Variants in COL18A1 observed in about 807,000 individuals in gnomAD.
COL18A1 encodes the protein collagen alpha-1(XVIII) chain.
In COL18A1, 133 loss-of-function variants were observed where a neutral mutation model predicts 168.0. The ratio of observed to expected loss-of-function variants is 0.79; its 90% CI spans 0.69 to 0.91. The LOEUF (loss-of-function observed/expected upper bound fraction) is 0.91. Ranked by LOEUF, COL18A1 falls within the 40% of genes least tolerant of loss-of-function variation. COL18A1 has a pLI of 0.00. For synonymous variants in COL18A1, 949 were observed against 809.0 expected (o/e 1.17, Z -2.94); for missense variants, 2,126 against 1,925.4 (o/e 1.10, Z -1.95).
At chr21:45,469,978 A>G (rs2035353418) in intron 3 of COL18A1, among the ~76,000 whole-genome samples, 2 of 152,110 alleles carry the variant, frequency 1.3e-5, no homozygotes, top group African/African-American at 4.8e-5. Context: ...GTGAGAGGCA[A>G]TTTGTTGTGT....
chr21:45,493,735 G>GCACC, intron 26 of COL18A1, 160 bp downstream of exon 26: 1 of 630,114 alleles, frequency 1.6e-6, no homozygotes. Context: ...CTCCTTTCTC[G>GCACC]CACCCATGTC....
At chr21:45,414,256 G>GT (rs2123515061) in intron 2 of COL18A1, among the ~76,000 whole-genome samples, 1 of 152,308 alleles carries the variant, frequency 6.6e-6, no homozygotes, top group South Asian at 2.1e-4. Context: ...CCTCTCATCT[G>GT]TTTTGGGTCC....
chr21:45,467,625 G>T lies in COL18A1; in HGVS notation c.107-617G>T, dbSNP rs542264433. Among the ~76,000 whole-genome samples, 3 of 152,218 alleles carry T rather than the reference G, an allele frequency of 2.0e-5. No homozygotes were observed. In the South Asian group the frequency reaches 6.2e-4, roughly 31 times the overall value. ...CCCAGCTGAGGCAGCCACTCTGGGC[G>T]ACGCCCCGTAGCCGAGGCTTCGAAG... On this transcript the variant is annotated intron_variant, in intron 2 of 41. Transcript: ENST00000651438.
At chr21:45,441,390 A>C (rs972155055) in intron 2 of COL18A1, among the ~76,000 whole-genome samples, 3 of 152,170 alleles carry the variant, frequency 2.0e-5, no homozygotes, top group African/African-American at 7.2e-5. Context: ...GCCCAGGTAG[A>C]GTTTTCCTGT....
At chr21:45,482,053 G>T in intron 14 of COL18A1, 28 bp downstream of exon 14, 1 of 1,591,068 alleles carries the variant, frequency 6.3e-7, no homozygotes, top group South Asian at 1.1e-5. Flanking sequence ...TCCAGGGTGA[G>T]TGGGAACCAG....
At position 45,405,466 on chromosome 21, in the gene COL18A1, G is replaced by C; in HGVS notation, c.99G>C (p.Ala33=). The change falls in exon 2 of 42, where the codon GCG becomes GCC. Residue 33 remains alanine, a synonymous_variant. Transcript: ENST00000651438. ...TGCTCGGGGTCCGCGCGGCCTCCGC[G>C]GAGCCAGGTAAGACCCGGGCGGGAC... ...VLLLGVRAAS[A]EPERISEEVG... 1 of 1,375,780 alleles carries C rather than the reference G, an allele frequency of 7.3e-7. No individual in the cohort carries two copies. The highest frequency in any genetic ancestry group is 1.5e-5 in the South Asian group (1 of 67,070). The allele number at this position is 1,375,780 out of a possible 1,614,324, so 85.2% of individuals were successfully genotyped here. A position where few individuals can be genotyped will look rare whatever the true frequency, so the allele number is the denominator to read the frequency against.
At chr21:45,504,217 C>T (rs1458778889) in intron 33 of COL18A1, 163 bp downstream of exon 33, 2 of 934,408 alleles carry the variant, frequency 2.1e-6, no homozygotes, top group Non-Finnish European at 3.4e-6. Context: ...CAGGATGTTC[C>T]TGTCCCCGGC....
chr21:45,490,790 C>T (rs2145982904), intron 20 of COL18A1, 46 bp from the exon 21 acceptor site: 3 of 1,541,268 alleles, frequency 1.9e-6, no homozygotes, highest in Middle Eastern at 3.3e-4. Context: ...GGGCCAGGGG[C>T]TCCTGTTTCT....
At chr21:45,418,078 G>A (rs1274780849) in intron 2 of COL18A1, among the ~76,000 whole-genome samples, 3 of 152,242 alleles carry the variant, frequency 2.0e-5, no homozygotes, top group African/African-American at 7.2e-5. Context: ...TGTGAGTGGG[G>A]GCGCCTGGCG....
At chr21:45,485,180 T>TTTTTTTTTTTTTTTTTTTTTG (rs2036067199) in intron 15 of COL18A1, among the ~76,000 whole-genome samples, 1 of 134,108 alleles carries the variant, frequency 7.5e-6, no homozygotes, top group African/African-American at 3.1e-5. Context: ...TTTTTTTTTT[T>TTTTTTTTTTTTTTTTTTTTTG]AGTAGAGGCA....
At chr21:45,470,517 C>T (rs1184856584) in intron 3 of COL18A1, among the ~76,000 whole-genome samples, 1 of 121,386 alleles carries the variant, frequency 8.2e-6, no homozygotes, top group East Asian at 2.7e-4. Context: ...GATGGAATCT[C>T]GCTCTGTTGC....
At chr21:45,480,383 T>TGCA in intron 11 of COL18A1, 84 bp from the exon 12 acceptor site, 1 of 1,611,592 alleles carries the variant, frequency 6.2e-7, no homozygotes, top group Non-Finnish European at 8.5e-7. Flanking sequence ...CAGCTCGATA[T>TGCA]GCAGCTTGCG....
chr21:45,439,623 T>C (rs1382551400), intron 2 of COL18A1, among the ~76,000 whole-genome samples: 1 of 152,246 alleles, frequency 6.6e-6, no homozygotes, highest in East Asian at 1.9e-4. Context: ...CCAGACGTCC[T>C]GGGCCAAGTC....
chr21:45,492,390 G>A, intron 22 of COL18A1, 145 bp from the exon 23 acceptor site: 2 of 967,536 alleles, frequency 2.1e-6, no homozygotes, highest in Non-Finnish European at 3.4e-6. Context: ...CTGCAGGAGG[G>A]ATGCCCCAGG....
rs771752014 is a variant in COL18A1, at chr21:45,507,585, C to T, written c.3241C>T (p.Arg1081Ter). 4.3e-6 allele frequency: 7 copies of T among 1,612,930 alleles called. No individual in the cohort carries two copies. Among genetic ancestry groups the T allele is most frequent in the East Asian group, 2.2e-5 (1 of 44,888 alleles). The change falls in exon 38 of 42, where the codon CGA becomes TGA. Residue 1081 changes from arginine to a stop codon, truncating the protein, a stop_gained. Coordinates refer to ENST00000651438, the MANE Select transcript of COL18A1 (RefSeq NM_001379500.1). LOFTEE classifies it high-confidence loss of function. ...VQLEARTPLP[R>*]GTDNEVAALQ... ...GCTGGAGGCCCGGACACCACTCCCA[C>T]GAGGGACGGTAAGGAGCCTTTTTTC...
At position 45,425,328 on chromosome 21, in the gene COL18A1, C is replaced by T. The variant is rs1203374462; in HGVS notation, c.106+19855C>T. 2.6e-5 allele frequency among the ~76,000 whole-genome samples: 4 copies of T among 152,318 alleles called. No homozygotes were observed. The highest frequency in any genetic ancestry group is 9.6e-5 in the African/African-American group (4 of 41,572). On this transcript the variant is annotated intron_variant, in intron 2 of 41. Coordinates refer to ENST00000651438, the MANE Select transcript of COL18A1 (RefSeq NM_001379500.1). The surrounding 1 kb of genome is among the most constrained non-coding windows in gnomAD (Gnocchi z 4.1). ...CAGTGTGACCGCGTCCACCTGTCTCCCTGGACACGCCTGTCAGAGCCCCAG... is the reference window on the plus strand; with the variant it reads ...CAGTGTGACCGCGTCCACCTGTCTCTCTGGACACGCCTGTCAGAGCCCCAG...
intron 2 of COL18A1, among the ~76,000 whole-genome samples, chr21:45,437,700 A>T (rs199632300): frequency 5.2e-4 from 32 of 61,920 alleles, no homozygotes; most frequent in East Asian, 1.1e-3. Flanking sequence ...ACACACACAC[A>T]CACACTCAGA....
intron 5 of COL18A1, 42 bp from the exon 6 acceptor site, chr21:45,476,309 C>A: frequency 9.3e-6 from 15 of 1,613,112 alleles, no homozygotes; most frequent in Non-Finnish European, 1.3e-5. Flanking sequence ...CACCGGGCAT[C>A]TGCCGGCCGA....
rs2033063927 is a variant in COL18A1, at chr21:45,405,422, C to G, written c.55C>G (p.Leu19Val). The change falls in exon 2 of 42, where the codon CTC becomes GTC. Residue 19 changes from leucine (L) to valine (V), a missense_variant. Transcript: ENST00000651438. The stretch of plus-strand genomic sequence containing the variant: ...GCGGCGGCGGCGCCTCCTGGACGTG[C>G]TCGCGCCCCTGGTCCTGCTGCTCGG... ...WPRRRRLLDV[L>V]APLVLLLGVR... is the part of the protein sequence containing the mutation. 1.5e-6 allele frequency: 2 copies of G among 1,362,964 alleles called. No homozygotes were observed. Among genetic ancestry groups the G allele is most frequent in the Admixed American group, 2.6e-5 (1 of 38,016 alleles). The allele number at this position is 1,362,964 out of a possible 1,614,324, so 84.4% of individuals were successfully genotyped here.
Sources: allele counts gnomAD v4.1 joint callset (sites outside exome capture counted in the v4.1 genomes callset), GRCh38; gene constraint gnomAD v4.1.1; non-coding constraint Gnocchi (gnomAD v3.1); transcripts MANE v1.5; gene names NCBI Gene and HGNC (gene_info 2026-07-23, HGNC 2026-07-21).